GALNT17: variants seen among roughly 807,000 people sequenced by gnomAD.
The protein encoded by GALNT17 is polypeptide N-acetylgalactosaminyltransferase 17.
GALNT17 carries 29 observed loss-of-function variants against 63.7 expected under a neutral mutation model. The ratio of observed to expected loss-of-function variants is 0.46; its 90% CI spans 0.34 to 0.62. The LOEUF (loss-of-function observed/expected upper bound fraction) is 0.62. GALNT17 is among the 20% of genes least tolerant of loss of function. The pLI is 0.01. For synonymous variants in GALNT17, 305 were observed against 318.3 expected, an observed-to-expected ratio of 0.96 and a Z score of 0.45; for missense variants, 603 against 799.6, an observed-to-expected ratio of 0.75 and a Z score of 2.97.
intron 5 of GALNT17, among the ~76,000 whole-genome samples, chr7:71,543,027 T>C (rs374095515): frequency 1.1e-5 from 1 of 93,246 alleles, no homozygotes; most frequent in Non-Finnish European, 2.3e-5. Flanking sequence ...GTGTTTAGTT[T>C]GACCTTTGTT....
intron 6 of GALNT17, among the ~76,000 whole-genome samples, chr7:71,637,424 C>T (rs193197647): frequency 5.9e-4 from 89 of 151,390 alleles, no homozygotes; most frequent in African/African-American, 2.1e-3. Context: ...CTCCTGACCT[C>T]GTGATCCACC....
At chr7:71,514,589 G>A (rs778447878) in intron 5 of GALNT17, among the ~76,000 whole-genome samples, 8 of 151,930 alleles carry the variant, frequency 5.3e-5, no homozygotes, top group East Asian at 1.9e-4. Context: ...ATCTCCTAAC[G>A]GGCCCCAGGA....
intron 1 of GALNT17, among the ~76,000 whole-genome samples, chr7:71,184,498 A>G (rs1585864543): frequency 6.6e-6 from 1 of 152,164 alleles, no homozygotes; most frequent in Admixed American, 6.5e-5. Flanking sequence ...TACTGCAGGT[A>G]AATCCTCCCC....
intron 2 of GALNT17, among the ~76,000 whole-genome samples, chr7:71,352,664 C>T (rs952256713): frequency 3.3e-5 from 5 of 152,184 alleles, no homozygotes; most frequent in Admixed American, 6.5e-5. Flanking sequence ...TCAACATAGA[C>T]GTGACCATCA....
chr7:71,381,701 C>G (rs1792850407), intron 2 of GALNT17, among the ~76,000 whole-genome samples: 1 of 152,082 alleles, frequency 6.6e-6, no homozygotes, highest in South Asian at 2.1e-4. Context: ...ATTGTTTGAA[C>G]CTGGGAGGTG....
intron 3 of GALNT17, among the ~76,000 whole-genome samples, chr7:71,391,100 G>T (rs1793041491): frequency 6.6e-6 from 1 of 152,208 alleles, no homozygotes; most frequent in East Asian, 1.9e-4. Flanking sequence ...CTGGCTGGTG[G>T]TTGAAACTCA....
chr7:71,303,895 G>C (rs1439079868), intron 1 of GALNT17, among the ~76,000 whole-genome samples: 1 of 152,096 alleles, frequency 6.6e-6, no homozygotes, highest in Non-Finnish European at 1.5e-5. Flanking sequence ...AACGCCTCCG[G>C]GGCAGCTGTA....
chr7:71,712,476 G>A lies in GALNT17; in HGVS notation c.*330G>A, dbSNP rs1013726219. Reference sequence around the variant, plus strand: ...TCCACATCTCCCATCCCAGAATCAGGATCTGGGACTGGCAGGGTCCCCTCC... The same window carrying A: ...TCCACATCTCCCATCCCAGAATCAGAATCTGGGACTGGCAGGGTCCCCTCC... On this transcript the variant is annotated 3_prime_UTR_variant, in exon 11 of 11. Coordinates refer to ENST00000333538, the MANE Select transcript of GALNT17 (RefSeq NM_022479.3). 1.1e-5 allele frequency: 2 copies of A among 184,248 alleles called. No homozygotes were observed. Among genetic ancestry groups the A allele is most frequent in the African/African-American group, 4.8e-5 (2 of 42,058 alleles). 11.4% of individuals were successfully genotyped at this position (184,248 alleles called of 1,614,324 possible).
intron 1 of GALNT17, among the ~76,000 whole-genome samples, chr7:71,140,591 G>T (rs772514930): frequency 1.3e-5 from 2 of 152,174 alleles, no homozygotes; most frequent in Non-Finnish European, 2.9e-5. Flanking sequence ...AATCTGGAGC[G>T]TCCTTTGTGG....
chr7:71,226,947 G>A (rs1208570156), intron 1 of GALNT17, among the ~76,000 whole-genome samples: 3 of 151,928 alleles, frequency 2.0e-5, no homozygotes, highest in African/African-American at 4.8e-5. Context: ...ATGTGCTGCC[G>A]TCCAAGGAAC....
At chr7:71,265,118 A>ATATATATATATATATATATATATTTTT (rs1390488895) in intron 1 of GALNT17, among the ~76,000 whole-genome samples, 3 of 37,440 alleles carry the variant, frequency 8.0e-5, no homozygotes, top group Admixed American at 2.9e-4. Flanking sequence ...ATATATATAT[A>ATATATATATATATATATATATATTTTT]TTTTTTTTTT....
chr7:71,530,773 T>C (rs1788707255), intron 5 of GALNT17, among the ~76,000 whole-genome samples: 2 of 152,042 alleles, frequency 1.3e-5, no homozygotes, highest in Non-Finnish European at 2.9e-5. Context: ...TTTCACTGTG[T>C]TAGCCAGGAT....
In GALNT17 at chr7:71,480,387, C is replaced by T. The variant is rs560893317; in HGVS notation, c.962+59282C>T. On this transcript the variant is annotated intron_variant, in intron 5 of 10. Transcript: ENST00000333538. ...GCCATGCCTCTCCTGGGCAGGGTCTCTGCAGTCAGTCCTCTTGTCCACCAG... is the reference window on the plus strand; with the variant it reads ...GCCATGCCTCTCCTGGGCAGGGTCTTTGCAGTCAGTCCTCTTGTCCACCAG... 3.4e-3 allele frequency among the ~76,000 whole-genome samples: 512 copies of T among 152,140 alleles called. 3 individuals are homozygous for T. The highest frequency in any genetic ancestry group is 0.014 in the Admixed American group (217 of 15,268).
chr7:71,228,178 A>G (rs1789716462), intron 1 of GALNT17, among the ~76,000 whole-genome samples: 2 of 152,246 alleles, frequency 1.3e-5, no homozygotes, highest in South Asian at 4.1e-4. Flanking sequence ...CACACAGCCC[A>G]GCTGTCTCTA....
intron 6 of GALNT17, among the ~76,000 whole-genome samples, chr7:71,580,599 G>A (rs540776908): frequency 3.3e-5 from 5 of 152,178 alleles, no homozygotes; most frequent in African/African-American, 4.8e-5. Flanking sequence ...GGAAAAGCTG[G>A]TGAGGAGGGG....
intron 6 of GALNT17, among the ~76,000 whole-genome samples, chr7:71,646,515 C>G (rs527899825): frequency 6.6e-6 from 1 of 152,144 alleles, no homozygotes; most frequent in Non-Finnish European, 1.5e-5. Context: ...TTCTCACTCT[C>G]TATTCTCTTT....
intron 1 of GALNT17, among the ~76,000 whole-genome samples, chr7:71,197,587 C>A (rs1443025258): frequency 6.6e-6 from 1 of 151,938 alleles, no homozygotes; most frequent in Non-Finnish European, 1.5e-5. Context: ...CCACTTTCCT[C>A]CACTCCCCCA....
chr7:71,146,982 C>T (rs1357167295), intron 1 of GALNT17, among the ~76,000 whole-genome samples: 1 of 152,108 alleles, frequency 6.6e-6, no homozygotes, highest in Admixed American at 6.6e-5. Flanking sequence ...TGAGGAATGT[C>T]CTGTAGTTAC....
chr7:71,338,258 C>T (rs1478790039), intron 2 of GALNT17, among the ~76,000 whole-genome samples: 12 of 151,562 alleles, frequency 7.9e-5, no homozygotes, highest in African/African-American at 2.2e-4. Context: ...ACCCGGGAGG[C>T]GGAGGTTACA....
Sources: allele counts gnomAD v4.1 joint callset (sites outside exome capture counted in the v4.1 genomes callset), GRCh38; gene constraint gnomAD v4.1.1; transcripts MANE v1.5; gene names NCBI Gene and HGNC (gene_info 2026-07-23, HGNC 2026-07-21).